Variants in SLC6A6 observed in about 807,000 individuals in gnomAD.
SLC6A6 encodes the protein sodium- and chloride-dependent taurine transporter.
In SLC6A6, 16 loss-of-function variants were observed where a neutral mutation model predicts 68.8. The ratio of observed to expected loss-of-function variants is 0.23; its 90% CI spans 0.16 to 0.35. SLC6A6 has a LOEUF of 0.35. SLC6A6 is among the 10% of genes least tolerant of loss of function. The pLI is 1.00. For synonymous variants in SLC6A6, 312 were observed against 315.4 expected, an observed-to-expected ratio of 0.99 and a Z score of 0.12; for missense variants, 474 against 802.8, an observed-to-expected ratio of 0.59 and a Z score of 4.95.
chr3:14,427,229 C>A lies in SLC6A6; in HGVS notation c.-12+10776C>A, dbSNP rs554274485. On this transcript the variant is annotated intron_variant, in intron 2 of 14. Coordinates refer to ENST00000622186, the MANE Select transcript of SLC6A6 (RefSeq NM_003043.6). Reference sequence around the variant, plus strand: ...CAGGCAGGCAGCTCTTCCAGATTAGCCCCAGCATGAGTAGATGTTCCCCTT... The same window carrying A: ...CAGGCAGGCAGCTCTTCCAGATTAGACCCAGCATGAGTAGATGTTCCCCTT... Among the ~76,000 whole-genome samples the A allele has an allele frequency of 4.0e-4, 59 of 148,704 alleles. 1 individual carries two copies. The highest frequency in any genetic ancestry group is 3.3e-3 in the South Asian group (16 of 4,828).
Position 14,481,953 on chromosome 3 carries a change from T to G in SLC6A6, c.1722+112T>G. 1.2e-6 allele frequency: 1 copy of G among 820,108 alleles called. No homozygotes were observed. Among genetic ancestry groups the G allele is most frequent in the Non-Finnish European group, 1.9e-6 (1 of 513,836 alleles). 50.8% of individuals were successfully genotyped at this position (820,108 alleles called of 1,614,324 possible). A position where few individuals can be genotyped will look rare whatever the true frequency, so the allele number is the denominator to read the frequency against. On this transcript the variant is annotated intron_variant, in intron 14 of 14. Coordinates refer to ENST00000622186, the MANE Select transcript of SLC6A6 (RefSeq NM_003043.6). This position sits in a 1 kb window ranked among gnomAD's most constrained non-coding sequence, Gnocchi z 4.7. The stretch of plus-strand genomic sequence containing the variant: ...GTCACCTGCCCTCTCTGAGCCATAG[T>G]TCCCTCACCCATCCAGTGGTTCAGC...
intron 2 of SLC6A6, among the ~76,000 whole-genome samples, chr3:14,439,508 C>G (rs1024978685): frequency 1.3e-5 from 2 of 152,210 alleles, no homozygotes; most frequent in African/African-American, 4.8e-5. Context: ...AACACAGAGA[C>G]AAGGAGAATG....
intron 2 of SLC6A6, among the ~76,000 whole-genome samples, chr3:14,440,994 G>T (rs1699970282): frequency 6.6e-6 from 1 of 152,184 alleles, no homozygotes; most frequent in Non-Finnish European, 1.5e-5. Flanking sequence ...TGTGGAAGGG[G>T]GTGGAGGCTT....
chr3:14,444,471 CT>C (rs1481864350), intron 3 of SLC6A6: 1 of 237,984 alleles, frequency 4.2e-6, no homozygotes, highest in Non-Finnish European at 8.5e-6. Flanking sequence ...GTGTTTTTGC[CT>C]GCTGAAGGCT....
chr3:14,409,534 C>T (rs187087313), intron 1 of SLC6A6, among the ~76,000 whole-genome samples: 5 of 152,378 alleles, frequency 3.3e-5, no homozygotes, highest in Admixed American at 3.3e-4. Flanking sequence ...ATGCCTCAGC[C>T]CATCCTCGTC....
chr3:14,444,988 C>T, intron 3 of SLC6A6: 1 of 396,326 alleles, frequency 2.5e-6, no homozygotes, highest in Non-Finnish European at 5.1e-6. Context: ...TTTCTGCCTC[C>T]TGCCCTGGGC....
chr3:14,433,420 C>T (rs1399122891), intron 2 of SLC6A6, among the ~76,000 whole-genome samples: 1 of 152,150 alleles, frequency 6.6e-6, no homozygotes. Context: ...AAGGGGAAGA[C>T]ATTCTGGCCA....
chr3:14,428,358 G>T (rs1328984374), intron 2 of SLC6A6, among the ~76,000 whole-genome samples: 1 of 152,210 alleles, frequency 6.6e-6, no homozygotes, highest in Non-Finnish European at 1.5e-5. Flanking sequence ...TGCTCAGCAG[G>T]GCCTCGGCTC....
rs1240383478 is a variant in SLC6A6 at position 14,485,221 on chromosome 3, C to T, written c.*214C>T. 1.0e-5 allele frequency: 4 copies of T among 396,296 alleles called. No homozygotes were observed. Among genetic ancestry groups the T allele is most frequent in the African/African-American group, 2.1e-5 (1 of 47,896 alleles). 24.5% of individuals were successfully genotyped at this position (396,296 alleles called of 1,614,324 possible). On this transcript the variant is annotated 3_prime_UTR_variant, in exon 15 of 15. Coordinates refer to ENST00000622186, the MANE Select transcript of SLC6A6 (RefSeq NM_003043.6). ...GTTTTGATTTGGGGGATATTTTGTA[C>T]AAAAAGAAAACCCACGGGAAGATGT... is the stretch of plus-strand genomic sequence containing the variant.
chr3:14,466,479 A>T, intron 6 of SLC6A6, 37 bp from the exon 7 acceptor site: 3 of 1,586,048 alleles, frequency 1.9e-6, no homozygotes, highest in Non-Finnish European at 2.6e-6. Flanking sequence ...GCAGCAAGTG[A>T]TGCCCATGGC....
intron 3 of SLC6A6, 107 bp downstream of exon 3, chr3:14,443,970 C>T (rs746776248): frequency 2.8e-6 from 2 of 727,034 alleles, no homozygotes; most frequent in Non-Finnish European, 4.6e-6. Flanking sequence ...CTTTCCCTGG[C>T]CCCCCCCCTT....
Position 14,477,226 on chromosome 3 carries a change from A to G in SLC6A6, c.1231A>G (p.Ile411Val). Reference sequence around the variant, plus strand: ...TCAGTTTGTTGAAGTTGAAGGACAGATCACATCCTTGGTTGATCTTTACCC... The same window carrying G: ...TCAGTTTGTTGAAGTTGAAGGACAGGTCACATCCTTGGTTGATCTTTACCC... ...DSQFVEVEGQITSLVDLYPSF... is the reference protein window; with the variant it reads ...DSQFVEVEGQVTSLVDLYPSF... The change falls in exon 11 of 15, where the codon ATC (isoleucine) becomes GTC (valine). Residue 411 changes from isoleucine (I) to valine (V), a missense_variant. Physicochemically the swap from Ile to Val is conservative, Grantham distance 29. This residue lies in a region of SLC6A6 where 280 missense variants were observed against 533.1 expected (regional missense o/e 0.53). Transcript: ENST00000622186. This position sits in a 1 kb window ranked among gnomAD's most constrained non-coding sequence, Gnocchi z 4.2. The G allele has an allele frequency of 6.2e-7, 1 of 1,613,706 alleles. No homozygotes were observed. Among genetic ancestry groups the G allele is most frequent in the Non-Finnish European group, 8.5e-7 (1 of 1,179,878 alleles).
intron 5 of SLC6A6, among the ~76,000 whole-genome samples, chr3:14,457,337 C>T (rs573056037): frequency 6.6e-6 from 1 of 152,288 alleles, no homozygotes; most frequent in African/African-American, 2.4e-5. Flanking sequence ...CCTGAAACTT[C>T]CCTGGGCATC....
At chr3:14,424,944 G>A (rs1423854491) in intron 2 of SLC6A6, among the ~76,000 whole-genome samples, 2 of 152,182 alleles carry the variant, frequency 1.3e-5, no homozygotes, top group Admixed American at 6.5e-5. Context: ...TGGAGAAACC[G>A]TTCAGCTGGT....
intron 7 of SLC6A6, among the ~76,000 whole-genome samples, chr3:14,467,023 G>A (rs955018887): frequency 5.3e-4 from 80 of 152,212 alleles, no homozygotes; most frequent in African/African-American, 1.9e-3. Flanking sequence ...TGGGAGAGTC[G>A]GGGCCTGGAG....
chr3:14,418,346 G>C (rs575951145), intron 2 of SLC6A6, among the ~76,000 whole-genome samples: 17 of 152,334 alleles, frequency 1.1e-4, no homozygotes, highest in Middle Eastern at 6.8e-3. Flanking sequence ...TTGTGGCCCA[G>C]AGCTCCTCAA....
intron 6 of SLC6A6, among the ~76,000 whole-genome samples, chr3:14,460,093 G>A (rs1700462195): frequency 6.6e-6 from 1 of 152,024 alleles, no homozygotes; most frequent in African/African-American, 2.4e-5. Flanking sequence ...ACACAGAAGT[G>A]AGAAAGTTTC....
chr3:14,467,806 T>C (rs1700655107), intron 7 of SLC6A6, 47 bp from the exon 8 acceptor site: 1 of 1,265,474 alleles, frequency 7.9e-7, no homozygotes, highest in African/African-American at 1.5e-5. Flanking sequence ...GGAAGCCAGC[T>C]CTGACAGCCC....
intron 10 of SLC6A6, among the ~76,000 whole-genome samples, chr3:14,475,412 G>A (rs1007285699): frequency 2.0e-5 from 3 of 152,126 alleles, no homozygotes; most frequent in African/African-American, 7.2e-5. Context: ...AGCTCACCCA[G>A]CCCGCTGACA....
Sources: gnomAD v4.1 joint callset for allele counts (sites outside exome capture counted in the v4.1 genomes callset) on GRCh38, gnomAD v4.1.1 for gene constraint, gnomAD v4.1.1 regional missense constraint, Gnocchi (gnomAD v3.1) non-coding constraint, MANE v1.5 for transcripts, NCBI Gene and HGNC (gene_info 2026-07-23, HGNC 2026-07-21) for gene names.